The following CCDC171 variants were observed in gnomAD, a reference collection of about 807,000 sequenced individuals.
CCDC171 encodes the protein coiled-coil domain-containing protein 171.
A neutral mutation model predicts 168.2 loss-of-function variants in CCDC171; 177 were observed. The observed-to-expected ratio is 1.05, with a 90% confidence interval of 0.93 to 1.19. The LOEUF (loss-of-function observed/expected upper bound fraction) is 1.19. CCDC171 is among the 50% of genes most tolerant of loss of function. The pLI, the probability that CCDC171 is intolerant of heterozygous loss-of-function variation, is 0.00. For missense variants in CCDC171, 1,991 were observed against 1,539.0 expected, an observed-to-expected ratio of 1.29 and a Z score of -4.91; for synonymous variants, 687 against 540.8, an observed-to-expected ratio of 1.27 and a Z score of -3.75.
intron 18 of CCDC171, among the ~76,000 whole-genome samples, chr9:15,771,838 T>C (rs541644379): frequency 4.4e-4 from 67 of 152,214 alleles, no homozygotes; most frequent in Admixed American, 1.3e-3. Flanking sequence ...GGTAGCTTTT[T>C]TGGGGGGACG....
intron 3 of CCDC171, among the ~76,000 whole-genome samples, chr9:15,980,481 A>G (rs1831757735): frequency 1.3e-5 from 2 of 152,042 alleles, no homozygotes; most frequent in South Asian, 2.1e-4. Context: ...TTCTGAGACA[A>G]TAGCCTGCAT....
intron 6 of CCDC171, among the ~76,000 whole-genome samples, chr9:15,614,857 C>T (rs186786591): frequency 2.0e-5 from 3 of 152,188 alleles, no homozygotes; most frequent in South Asian, 2.1e-4. Context: ...TCCCCCTTCC[C>T]CATCTAACTT....
intron 25 of CCDC171, among the ~76,000 whole-genome samples, chr9:15,950,720 G>A (rs983500275): frequency 6.6e-6 from 1 of 151,682 alleles, no homozygotes; most frequent in African/African-American, 2.4e-5. Flanking sequence ...ATGAACTAAT[G>A]AGCAAAATAA....
intron 18 of CCDC171, among the ~76,000 whole-genome samples, chr9:15,756,785 G>C (rs1394152715): frequency 6.6e-6 from 1 of 152,136 alleles, no homozygotes; most frequent in South Asian, 2.1e-4. Context: ...TAATCATGGG[G>C]GTGGTTTCCC....
chr9:15,657,019 G>T, intron 7 of CCDC171, 108 bp from the exon 8 acceptor site: 1 of 484,530 alleles, frequency 2.1e-6, no homozygotes. Context: ...AAAAAATGAG[G>T]CTGCAAGTCC....
intron 21 of CCDC171, among the ~76,000 whole-genome samples, chr9:15,787,628 A>G (rs1381277433): frequency 2.0e-5 from 3 of 152,154 alleles, no homozygotes; most frequent in South Asian, 2.1e-4. Context: ...TGATTATTTC[A>G]TCAGGATGAA....
At position 15,749,081 on chromosome 9, in the gene CCDC171, G is replaced by A. The variant is rs547406048; in HGVS notation, c.2671+3450G>A. 1.1e-4 allele frequency among the ~76,000 whole-genome samples: 17 copies of A among 151,762 alleles called. No homozygotes were observed. In the East Asian group the frequency reaches 1.9e-3, roughly 17 times the overall value. ...TGTATTCAGGAGACCCATCTCACACGCAGAGATGCACATAGGCTCAAAATA... is the reference window on the plus strand; with the variant it reads ...TGTATTCAGGAGACCCATCTCACACACAGAGATGCACATAGGCTCAAAATA... On this transcript the variant is annotated intron_variant, in intron 18 of 25. Coordinates refer to ENST00000380701, the MANE Select transcript of CCDC171 (RefSeq NM_173550.4).
intron 1 of CCDC171, among the ~76,000 whole-genome samples, chr9:15,561,082 A>G (rs1428359310): frequency 6.6e-6 from 1 of 152,174 alleles, no homozygotes; most frequent in Non-Finnish European, 1.5e-5. Context: ...GCTGGGAGCT[A>G]CAGACTGGAG....
intron 7 of CCDC171, among the ~76,000 whole-genome samples, chr9:15,625,888 A>G (rs2045045955): frequency 6.6e-6 from 1 of 152,122 alleles, no homozygotes; most frequent in Non-Finnish European, 1.5e-5. Context: ...GATGGCATTG[A>G]ATCTATAAAT....
chr9:15,915,371 T>TC (rs1824350971), intron 24 of CCDC171, among the ~76,000 whole-genome samples: 1 of 151,798 alleles, frequency 6.6e-6, no homozygotes, highest in Non-Finnish European at 1.5e-5. Context: ...AGTGTTTTTT[T>TC]TTATAGCTAT....
intron 21 of CCDC171, among the ~76,000 whole-genome samples, chr9:15,806,739 T>C (rs1195153037): frequency 6.6e-6 from 1 of 152,086 alleles, no homozygotes; most frequent in Non-Finnish European, 1.5e-5. Context: ...AGGGGTTCTC[T>C]GTATTTCTTG....
Position 15,693,733 on chromosome 9 carries a change from A to AT in CCDC171, c.1216-1496dup, listed in dbSNP as rs201475871. 5.0e-3 allele frequency among the ~76,000 whole-genome samples: 766 copies of AT among 152,228 alleles called. 7 individuals carry two copies. The highest frequency in any genetic ancestry group is 0.018 in the African/African-American group (747 of 41,538). ...TTTGTCTTATAATATCTATTCTTCC[A>AT]TTTTTTCTGTATCTATAAACATACC... is the stretch of plus-strand genomic sequence containing the variant. On this transcript the variant is annotated intron_variant, in intron 10 of 25. Coordinates refer to ENST00000380701, the MANE Select transcript of CCDC171 (RefSeq NM_173550.4).
At chr9:16,004,618 G>T (rs1431344833) in intron 3 of CCDC171, among the ~76,000 whole-genome samples, 7 of 152,120 alleles carry the variant, frequency 4.6e-5, no homozygotes, top group South Asian at 2.1e-4. Context: ...ATTTGCAACT[G>T]CAGTTCACCG....
chr9:15,673,035 C>G (rs1453989522), intron 9 of CCDC171, among the ~76,000 whole-genome samples: 1 of 152,118 alleles, frequency 6.6e-6, no homozygotes, highest in Non-Finnish European at 1.5e-5. Flanking sequence ...TTTCCTTGAG[C>G]AGTGGTTTGT....
intron 7 of CCDC171, among the ~76,000 whole-genome samples, chr9:15,627,172 T>TC (rs1405746731): frequency 6.6e-6 from 1 of 152,190 alleles, no homozygotes; most frequent in Non-Finnish European, 1.5e-5. Flanking sequence ...ATCCCCTTTA[T>TC]CATTTTTTGT....
intron 8 of CCDC171, among the ~76,000 whole-genome samples, chr9:15,665,160 A>G (rs2048641533): frequency 1.3e-5 from 2 of 151,070 alleles, no homozygotes; most frequent in African/African-American, 4.9e-5. Flanking sequence ...GGAAGGTCTC[A>G]CTGTTAATCA....
At chr9:15,727,365 T>A (rs978471319) in intron 14 of CCDC171, among the ~76,000 whole-genome samples, 1 of 152,224 alleles carries the variant, frequency 6.6e-6, no homozygotes, top group African/African-American at 2.4e-5. Context: ...AGTAATTGTG[T>A]CCATGTAAAG....
At chr9:15,874,123 T>A (rs377113275) in intron 23 of CCDC171, among the ~76,000 whole-genome samples, 36 of 152,282 alleles carry the variant, frequency 2.4e-4, no homozygotes, top group African/African-American at 7.9e-4. Context: ...AACTATCTTG[T>A]CCAATATGTA....
At chr9:15,628,345 G>A (rs865875976) in intron 7 of CCDC171, among the ~76,000 whole-genome samples, 4 of 152,248 alleles carry the variant, frequency 2.6e-5, no homozygotes, top group Middle Eastern at 3.4e-3. Flanking sequence ...CTTTTCCGAC[G>A]GGCTTAAAAA....
Sources: gnomAD v4.1 joint callset for allele counts (sites outside exome capture counted in the v4.1 genomes callset) on GRCh38, gnomAD v4.1.1 for gene constraint, MANE v1.5 for transcripts, NCBI Gene and HGNC (gene_info 2026-07-23, HGNC 2026-07-21) for gene names.